EVI5: variants seen among roughly 807,000 people sequenced by gnomAD.
The protein encoded by EVI5 is ecotropic viral integration site 5 protein homolog.
Under a neutral mutation model 112.0 loss-of-function variants are expected in EVI5, and 73 were observed. That is an observed-to-expected ratio of 0.65 (90% CI 0.54 to 0.79). EVI5 has a LOEUF of 0.79. Ranked by LOEUF, EVI5 falls within the 30% of genes least tolerant of loss-of-function variation. EVI5 has a pLI of 0.00. For synonymous variants in EVI5, 305 were observed against 319.9 expected (o/e 0.95, Z 0.50); for missense variants, 900 against 968.8 (o/e 0.93, Z 0.94).
chr1:92,730,771 T>C (rs1362675113), intron 2 of EVI5, among the ~76,000 whole-genome samples: 2 of 152,026 alleles, frequency 1.3e-5, no homozygotes, highest in African/African-American at 4.8e-5. Context: ...AATGCTTTCT[T>C]CTTAAGATCA....
At chr1:92,562,510 A>G (rs1035424858) in intron 19 of EVI5, among the ~76,000 whole-genome samples, 3 of 152,194 alleles carry the variant, frequency 2.0e-5, no homozygotes, top group Non-Finnish European at 4.4e-5. Flanking sequence ...AGCCTGGCCG[A>G]CAGAGCGAGA....
chr1:92,714,180 T>TA (rs1673269232), intron 2 of EVI5: 1 of 974,266 alleles, frequency 1.0e-6, no homozygotes, highest in Non-Finnish European at 1.2e-6. Context: ...CTGGGGTTGC[T>TA]ACATGCACTT....
At chr1:92,631,637 T>G (rs545132118) in intron 14 of EVI5, among the ~76,000 whole-genome samples, 1 of 152,190 alleles carries the variant, frequency 6.6e-6, no homozygotes, top group African/African-American at 2.4e-5. Context: ...CAGGGACAAT[T>G]TGACTTCCTC....
chr1:92,526,091 C>T (rs1169175951), intron 19 of EVI5, among the ~76,000 whole-genome samples: 2 of 152,016 alleles, frequency 1.3e-5, no homozygotes, highest in African/African-American at 4.8e-5. Context: ...TGGGGTCTCC[C>T]TGTGTCATCC....
chr1:92,698,273 T>C (rs1173286332), intron 5 of EVI5, among the ~76,000 whole-genome samples: 1 of 152,186 alleles, frequency 6.6e-6, no homozygotes, highest in Non-Finnish European at 1.5e-5. Flanking sequence ...TTTCTCTCTC[T>C]GGGTATACAC....
intron 9 of EVI5, among the ~76,000 whole-genome samples, chr1:92,690,350 CTTT>C (rs34227828): frequency 2.4e-4 from 33 of 135,900 alleles, no homozygotes; most frequent in Non-Finnish European, 3.2e-4. Context: ...CCCAATGATA[CTTT>C]TTTTTTTTTT....
At chr1:92,677,855 AC>A (rs1666990106) in intron 9 of EVI5, among the ~76,000 whole-genome samples, 6 of 152,332 alleles carry the variant, frequency 3.9e-5, no homozygotes, top group Admixed American at 3.3e-4. Context: ...AGTAGACTGC[AC>A]CTGAACTAAC....
chr1:92,709,481 T>C (rs933101534), intron 2 of EVI5, among the ~76,000 whole-genome samples: 7 of 152,202 alleles, frequency 4.6e-5, no homozygotes, highest in African/African-American at 1.7e-4. Context: ...TAACTATTAC[T>C]TTTTGTAAAA....
chr1:92,578,538 AC>A (rs201464896), intron 18 of EVI5, among the ~76,000 whole-genome samples: 3,098 of 151,870 alleles, frequency 0.02, 117 homozygotes, highest in African/African-American at 0.07. Flanking sequence ...ACACGGTGAA[AC>A]CCCGTATCTA....
At position 92,508,803 on chromosome 1, in the gene EVI5, A is replaced by C. The variant is rs1328057534; in HGVS notation, c.*4853T>G. The C allele has an allele frequency of 1.3e-5, 2 of 152,658 alleles. No homozygotes were observed. Among genetic ancestry groups the C allele is most frequent in the Admixed American group, 1.3e-4 (2 of 15,284 alleles). The allele number at this position is 152,658 out of a possible 1,614,324, so 9.5% of individuals were successfully genotyped here. Reference sequence around the variant, plus strand: ...AAATTCCAATAGCAAAATGAAACACATTATAACTTTGCTTCTTGGTAGTAT... The same window carrying C: ...AAATTCCAATAGCAAAATGAAACACCTTATAACTTTGCTTCTTGGTAGTAT... On this transcript the variant is annotated 3_prime_UTR_variant, in exon 20 of 20. Coordinates refer to ENST00000684568, the MANE Select transcript of EVI5 (RefSeq NM_001350197.2).
In EVI5 at chr1:92,628,308, C is replaced by T. The variant is rs556901747; in HGVS notation, c.1528-2374G>A. Among the ~76,000 whole-genome samples the T allele has an allele frequency of 7.9e-5, 12 of 152,316 alleles. No homozygotes were observed. In the East Asian group the frequency reaches 2.1e-3, roughly 27 times the overall value. ...TCACTCTGCTGACTGTTCCTTTCTC[C>T]GTGCAAAAGCTCCTCAGTTTAATTA... is the stretch of plus-strand genomic sequence containing the variant. On this transcript the variant is annotated intron_variant, in intron 14 of 19. Coordinates refer to ENST00000684568, the MANE Select transcript of EVI5 (RefSeq NM_001350197.2).
chr1:92,516,153 TA>T (rs2101653367), intron 19 of EVI5, among the ~76,000 whole-genome samples: 1 of 152,324 alleles, frequency 6.6e-6, no homozygotes, highest in East Asian at 1.9e-4. Context: ...CTCCAAGTGT[TA>T]AATTAAGTCA....
intron 18 of EVI5, among the ~76,000 whole-genome samples, chr1:92,589,059 T>C (rs1673265387): frequency 6.6e-6 from 1 of 152,142 alleles, no homozygotes; most frequent in Non-Finnish European, 1.5e-5. Flanking sequence ...AGAGCAGAGA[T>C]ACACGAAATC....
chr1:92,723,011 GT>G (rs1160115309), intron 2 of EVI5, among the ~76,000 whole-genome samples: 1 of 152,108 alleles, frequency 6.6e-6, no homozygotes, highest in East Asian at 1.9e-4. Context: ...TTGATATTAG[GT>G]CCTATTCCTG....
At chr1:92,758,495 C>T (rs897042108) in intron 1 of EVI5, among the ~76,000 whole-genome samples, 1 of 149,768 alleles carries the variant, frequency 6.7e-6, no homozygotes, top group African/African-American at 2.5e-5. Context: ...ATTGAGTCTA[C>T]GAGGTCAGAG....
At chr1:92,737,969 T>C (rs1046741261) in intron 1 of EVI5, among the ~76,000 whole-genome samples, 6 of 152,134 alleles carry the variant, frequency 3.9e-5, no homozygotes, top group Non-Finnish European at 7.3e-5. Flanking sequence ...AATGATATTA[T>C]AGAAAGGATC....
At chr1:92,688,834 G>A (rs760886999) in intron 9 of EVI5, among the ~76,000 whole-genome samples, 2 of 152,054 alleles carry the variant, frequency 1.3e-5, no homozygotes, top group African/African-American at 2.4e-5. Context: ...ACTTTTCTGT[G>A]CTGCTACCCT....
intron 6 of EVI5, among the ~76,000 whole-genome samples, chr1:92,696,770 G>A (rs1670383056): frequency 6.6e-6 from 1 of 152,178 alleles, no homozygotes; most frequent in Admixed American, 6.5e-5. Flanking sequence ...GCACAGCGGT[G>A]GCTCACGCCT....
chr1:92,579,830 C>A (rs1671664556), intron 18 of EVI5, among the ~76,000 whole-genome samples: 1 of 152,158 alleles, frequency 6.6e-6, no homozygotes, highest in Non-Finnish European at 1.5e-5. Context: ...CGTGCCCAAC[C>A]TAAATTATTT....
Sources: allele counts gnomAD v4.1 joint callset (sites outside exome capture counted in the v4.1 genomes callset), GRCh38; gene constraint gnomAD v4.1.1; transcripts MANE v1.5; gene names NCBI Gene and HGNC (gene_info 2026-07-23, HGNC 2026-07-21).